Variants in LYN observed in about 807,000 individuals in gnomAD.
The protein encoded by LYN is LYN proto-oncogene, Src family tyrosine kinase.
Under a neutral mutation model 65.0 loss-of-function variants are expected in LYN, and 12 were observed. The observed-to-expected ratio is 0.18, with a 90% confidence interval of 0.12 to 0.30. The LOEUF (loss-of-function observed/expected upper bound fraction) is 0.30. Among genes scored for constraint, LYN ranks in the 10% least tolerant of loss-of-function variants. The pLI, the probability that LYN is intolerant of heterozygous loss-of-function variation, is 1.00. For missense variants in LYN, 380 were observed against 623.2 expected (o/e 0.61, Z 4.16); for synonymous variants, 222 against 221.2 (o/e 1.00, Z -0.03).
At chr8:55,947,534 C>T in intron 3 of LYN, 84 bp from the exon 4 acceptor site, 1 of 956,502 alleles carries the variant, frequency 1.0e-6, no homozygotes, top group Non-Finnish European at 1.7e-6. Flanking sequence ...TTAGTGCTTC[C>T]TCTCATCCTT....
chr8:55,886,921 G>T (rs1261505364), intron 1 of LYN, among the ~76,000 whole-genome samples: 1 of 152,160 alleles, frequency 6.6e-6, no homozygotes, highest in African/African-American at 2.4e-5. Context: ...AATAGTTAAT[G>T]GTGAACTCTA....
In LYN at chr8:55,883,427, G is replaced by C. The variant is rs558730369; in HGVS notation, c.-6+3324G>C. Among the ~76,000 whole-genome samples the C allele has an allele frequency of 3.3e-5, 5 of 152,298 alleles. No individual in the cohort carries two copies. In the East Asian group the frequency reaches 9.6e-4, roughly 29 times the overall value. On this transcript the variant is annotated intron_variant, in intron 1 of 12. Transcript: ENST00000519728. ...GCACTTCAAGCTGTCTTCTAGAAAT[G>C]AATTTCTGTGCTTTTTAGCACTGCT... is the stretch of plus-strand genomic sequence containing the variant.
intron 10 of LYN, among the ~76,000 whole-genome samples, chr8:55,981,888 A>G (rs955472855): frequency 6.6e-6 from 1 of 152,254 alleles, no homozygotes; most frequent in African/African-American, 2.4e-5. Context: ...AAAGAACACC[A>G]GGAGGAATGA....
intron 1 of LYN, chr8:55,902,929 A>C (rs1585578286): frequency 1.0e-5 from 3 of 301,454 alleles, no homozygotes; most frequent in Non-Finnish European, 1.3e-5. Context: ...ACTCACTGCA[A>C]CCTCCGCCTC....
chr8:56,000,810 A>T (rs1367565260), intron 12 of LYN, among the ~76,000 whole-genome samples: 3 of 151,932 alleles, frequency 2.0e-5, no homozygotes, highest in Non-Finnish European at 2.9e-5. Context: ...TATTAACAAA[A>T]TATTTGCATG....
intron 1 of LYN, among the ~76,000 whole-genome samples, chr8:55,939,199 G>C (rs913161107): frequency 6.6e-6 from 1 of 152,194 alleles, no homozygotes; most frequent in African/African-American, 2.4e-5. Flanking sequence ...TGAGGTTTCT[G>C]GTGGGAGAGT....
intron 1 of LYN, among the ~76,000 whole-genome samples, chr8:55,936,697 G>A (rs1259633545): frequency 6.6e-6 from 1 of 152,158 alleles, no homozygotes; most frequent in Admixed American, 6.6e-5. Flanking sequence ...TAGATTCTAG[G>A]TTCTACAGCA....
chr8:55,937,309 C>T (rs1244470749), intron 1 of LYN, among the ~76,000 whole-genome samples: 1 of 151,970 alleles, frequency 6.6e-6, no homozygotes, highest in African/African-American at 2.4e-5. Context: ...TAGGTTGGTG[C>T]AAAAGTAATT....
intron 1 of LYN, among the ~76,000 whole-genome samples, chr8:55,912,950 T>C (rs1805682395): frequency 6.6e-6 from 1 of 152,190 alleles, no homozygotes; most frequent in Non-Finnish European, 1.5e-5. Context: ...TAATTAAATC[T>C]ATATTTTGTA....
chr8:55,886,682 G>A (rs964361481), intron 1 of LYN, among the ~76,000 whole-genome samples: 2 of 152,162 alleles, frequency 1.3e-5, no homozygotes, highest in African/African-American at 4.8e-5. Context: ...AACTTGCAGG[G>A]GAATGTGGCC....
intron 1 of LYN, among the ~76,000 whole-genome samples, chr8:55,923,638 CAAG>C (rs1806006291): frequency 2.6e-5 from 4 of 152,068 alleles, no homozygotes; most frequent in African/African-American, 9.7e-5. Context: ...CTCCTGGGTT[CAAG>C]CGATTCTCCT....
intron 8 of LYN, among the ~76,000 whole-genome samples, chr8:55,957,904 C>T (rs193150792): frequency 5.6e-4 from 85 of 152,210 alleles, no homozygotes; most frequent in African/African-American, 1.7e-3. Context: ...GCTGAGATTG[C>T]GCCGCTGTCA....
intron 1 of LYN, among the ~76,000 whole-genome samples, chr8:55,924,610 C>T (rs569710941): frequency 6.6e-6 from 1 of 152,100 alleles, no homozygotes; most frequent in South Asian, 2.1e-4. Context: ...GTAATCCACC[C>T]CCCTTGGCCT....
chr8:55,962,946 T>C (rs1807329913), intron 8 of LYN, among the ~76,000 whole-genome samples: 1 of 152,202 alleles, frequency 6.6e-6, no homozygotes, highest in Non-Finnish European at 1.5e-5. Flanking sequence ...GCCATGCTTT[T>C]AGACAACCAG....
At chr8:55,975,801 T>C (rs1807735382) in intron 10 of LYN, among the ~76,000 whole-genome samples, 1 of 150,096 alleles carries the variant, frequency 6.7e-6, no homozygotes, top group South Asian at 2.1e-4. Context: ...AAACAGGAAC[T>C]CTTTTTTTTT....
chr8:55,952,212 C>T (rs1429933805), intron 7 of LYN, 97 bp downstream of exon 7: 7 of 954,340 alleles, frequency 7.3e-6, no homozygotes, highest in Non-Finnish European at 1.0e-5. Flanking sequence ...TTTTATGCAT[C>T]GTATTTCTCT....
intron 1 of LYN, among the ~76,000 whole-genome samples, chr8:55,937,878 G>T (rs1368827729): frequency 1.3e-5 from 2 of 152,162 alleles, no homozygotes; most frequent in East Asian, 1.9e-4. Context: ...GTGTTTTTTA[G>T]TAGAGACAGA....
intron 12 of LYN, among the ~76,000 whole-genome samples, chr8:56,001,647 T>A (rs939093306): frequency 7.2e-5 from 11 of 152,210 alleles, no homozygotes; most frequent in Non-Finnish European, 1.2e-4. Flanking sequence ...AGGAAAAATA[T>A]TTCTAATCAG....
chr8:55,951,729 A>T (rs1435844840), intron 6 of LYN, among the ~76,000 whole-genome samples: 5 of 152,000 alleles, frequency 3.3e-5, no homozygotes, highest in South Asian at 2.1e-4. Context: ...TAATAATTTT[A>T]AAAAAATTAT....
Sources: gnomAD v4.1 joint callset for allele counts (sites outside exome capture counted in the v4.1 genomes callset) on GRCh38, gnomAD v4.1.1 for gene constraint, MANE v1.5 for transcripts, NCBI Gene and HGNC (gene_info 2026-07-23, HGNC 2026-07-21) for gene names.